Variants in TET1 observed in about 807,000 individuals in gnomAD.
TET1 encodes methylcytosine dioxygenase TET1.
TET1 carries 13 observed loss-of-function variants against 148.7 expected under a neutral mutation model. The ratio of observed to expected loss-of-function variants is 0.09; its 90% CI spans 0.06 to 0.14. The LOEUF (loss-of-function observed/expected upper bound fraction) is 0.14. Ranked by LOEUF, TET1 falls within the 10% of genes least tolerant of loss-of-function variation. The pLI, the probability that TET1 is intolerant of heterozygous loss-of-function variation, is 1.00. For synonymous variants in TET1, 907 were observed against 937.2 expected, an observed-to-expected ratio of 0.97 and a Z score of 0.59; for missense variants, 2,182 against 2,553.8, an observed-to-expected ratio of 0.85 and a Z score of 3.14.
Position 68,693,450 on chromosome 10 carries a change from A to G in TET1, c.*1636A>G. 2 of 233,362 alleles carry G rather than the reference A, an allele frequency of 8.6e-6. No individual in the cohort carries two copies. The highest frequency in any genetic ancestry group is 1.2e-4 in the East Asian group (2 of 16,486). The allele number at this position is 233,362 out of a possible 1,614,324, so 14.5% of individuals were successfully genotyped here. On this transcript the variant is annotated 3_prime_UTR_variant, in exon 12 of 12. Coordinates refer to ENST00000373644, the MANE Select transcript of TET1 (RefSeq NM_030625.3). ...CAGTTCCAGCAGGCTCTCTAAAGAAAAACTCATTGTAACTTATTAAAATAA... is the reference window on the plus strand; with the variant it reads ...CAGTTCCAGCAGGCTCTCTAAAGAAGAACTCATTGTAACTTATTAAAATAA...
intron 3 of TET1, among the ~76,000 whole-genome samples, chr10:68,617,141 C>T (rs2054304305): frequency 1.3e-5 from 2 of 149,232 alleles, no homozygotes; most frequent in Non-Finnish European, 3.0e-5. Flanking sequence ...CCTGCCTCAG[C>T]CTCCCGAGTA....
chr10:68,602,973 A>G (rs781333102), intron 3 of TET1, among the ~76,000 whole-genome samples: 11 of 152,208 alleles, frequency 7.2e-5, no homozygotes, highest in Non-Finnish European at 1.5e-4. Flanking sequence ...AAATTCATAG[A>G]GCAAATGTAG....
In TET1 at chr10:68,690,898, C is replaced by T. The variant is rs771857626; in HGVS notation, c.5495C>T (p.Ser1832Leu). The T allele has an allele frequency of 1.5e-5, 24 of 1,614,108 alleles. No homozygotes were observed. Among genetic ancestry groups the T allele is most frequent in the East Asian group, 6.7e-5 (3 of 44,906 alleles). Residue 1832 changes from serine (S) to leucine (L), a missense_variant, in exon 12 of 12, where the codon TCG (serine) becomes TTG (leucine). Physicochemically the swap from Ser to Leu is moderately radical, Grantham distance 145. Transcript: ENST00000373644. ...AGTTCAGACAACACTAAAACTTATT[C>T]GCTGATGCCATCCGCTCCTCACCCA... ...LKSSDNTKTYSLMPSAPHPVK... is the reference protein window; with the variant it reads ...LKSSDNTKTYLLMPSAPHPVK...
intron 2 of TET1, among the ~76,000 whole-genome samples, chr10:68,594,583 A>G (rs893401507): frequency 6.6e-6 from 1 of 152,166 alleles, no homozygotes; most frequent in African/African-American, 2.4e-5. Flanking sequence ...AACCGCTTAC[A>G]TCCGGACTAT....
rs748773901 is a variant in TET1, at chr10:68,690,907, C to T, written c.5504C>T (p.Pro1835Leu). 35 of 1,614,106 alleles carry T rather than the reference C, an allele frequency of 2.2e-5. No individual in the cohort carries two copies. The East Asian group carries it at 7.6e-4, about 35-fold the overall frequency. ...AACACTAAAACTTATTCGCTGATGCCATCCGCTCCTCACCCAGTGAAAGAG... is the reference window on the plus strand; with the variant it reads ...AACACTAAAACTTATTCGCTGATGCTATCCGCTCCTCACCCAGTGAAAGAG... ...SDNTKTYSLM[P>L]SAPHPVKEAS... is the part of the protein sequence containing the mutation. The change falls in exon 12 of 12, where the codon CCA (proline) becomes CTA (leucine). Residue 1835 changes from proline to leucine, a missense_variant. Transcript: ENST00000373644.
chr10:68,609,727 G>A (rs2054179397), intron 3 of TET1, among the ~76,000 whole-genome samples: 1 of 151,938 alleles, frequency 6.6e-6, no homozygotes. Context: ...CTTATTCTAG[G>A]AGTTTGGTTA....
intron 3 of TET1, among the ~76,000 whole-genome samples, chr10:68,636,291 T>A (rs1172938326): frequency 6.6e-6 from 1 of 152,108 alleles, no homozygotes. Context: ...TTAAAAAAAA[T>A]TAAATAGAGG....
At chr10:68,638,404 ATTTAC>A (rs1413072530) in intron 3 of TET1, among the ~76,000 whole-genome samples, 3 of 152,092 alleles carry the variant, frequency 2.0e-5, no homozygotes, top group Non-Finnish European at 4.4e-5. Context: ...AATTTGATAT[ATTTAC>A]TTTATGCATT....
intron 3 of TET1, among the ~76,000 whole-genome samples, chr10:68,612,114 G>T (rs1460393176): frequency 6.7e-6 from 1 of 149,570 alleles, no homozygotes; most frequent in African/African-American, 2.5e-5. Flanking sequence ...TTATTTGACA[G>T]AGTCTCACTC....
At chr10:68,687,899 G>A (rs532237223) in intron 11 of TET1, among the ~76,000 whole-genome samples, 18 of 152,218 alleles carry the variant, frequency 1.2e-4, no homozygotes, top group African/African-American at 3.4e-4. Flanking sequence ...ATAAAGTCTC[G>A]TTAGTTTTGG....
intron 6 of TET1, among the ~76,000 whole-genome samples, chr10:68,655,161 C>A (rs1170131586): frequency 6.6e-6 from 1 of 152,190 alleles, no homozygotes; most frequent in African/African-American, 2.4e-5. Context: ...CAAGACCCCA[C>A]ATCTCTTTTG....
intron 3 of TET1, among the ~76,000 whole-genome samples, chr10:68,637,432 A>G (rs2054670038): frequency 6.6e-6 from 1 of 151,960 alleles, no homozygotes; most frequent in Non-Finnish European, 1.5e-5. Flanking sequence ...TCTTCTTTGA[A>G]GAGATTTTTG....
intron 4 of TET1, among the ~76,000 whole-genome samples, chr10:68,648,633 T>C (rs2054886331): frequency 6.6e-6 from 1 of 152,256 alleles, no homozygotes; most frequent in South Asian, 2.1e-4. Context: ...AGGCTAAGTA[T>C]ATCACACTGA....
intron 6 of TET1, among the ~76,000 whole-genome samples, chr10:68,661,833 A>ACACACACACAC (rs869231469): frequency 2.0e-5 from 3 of 151,108 alleles, no homozygotes; most frequent in Admixed American, 6.6e-5. Context: ...ACACACACAC[A>ACACACACACAC]AAAAACCAAG....
chr10:68,598,815 C>G (rs979964503), intron 2 of TET1, among the ~76,000 whole-genome samples: 1 of 151,588 alleles, frequency 6.6e-6, no homozygotes, highest in African/African-American at 2.4e-5. Context: ...CTCAGCCTCC[C>G]GAGTAGGTGG....
intron 8 of TET1, among the ~76,000 whole-genome samples, chr10:68,674,049 C>G (rs932834105): frequency 4.2e-4 from 63 of 148,992 alleles, no homozygotes; most frequent in African/African-American, 1.2e-3. Context: ...GCAACCTCCA[C>G]TTCCTAGGTT....
chr10:68,615,506 T>G (rs538779165), intron 3 of TET1, among the ~76,000 whole-genome samples: 15 of 151,516 alleles, frequency 9.9e-5, no homozygotes, highest in African/African-American at 3.6e-4. Flanking sequence ...CCACTACGCC[T>G]GGCTAATTTT....
intron 3 of TET1, among the ~76,000 whole-genome samples, chr10:68,615,898 T>C (rs1401739906): frequency 1.3e-5 from 2 of 151,694 alleles, no homozygotes; most frequent in Non-Finnish European, 2.9e-5. Flanking sequence ...CCGCCCGCTT[T>C]GGCCTCCCAA....
chr10:68,596,023 C>CAT (rs1273677017), intron 2 of TET1, among the ~76,000 whole-genome samples: 8 of 95,430 alleles, frequency 8.4e-5, no homozygotes, highest in South Asian at 7.6e-4. Context: ...CACACACACA[C>CAT]ACACATATAT....
Sources: gnomAD v4.1 joint callset for allele counts (sites outside exome capture counted in the v4.1 genomes callset) on GRCh38, gnomAD v4.1.1 for gene constraint, MANE v1.5 for transcripts, NCBI Gene and HGNC (gene_info 2026-07-23, HGNC 2026-07-21) for gene names.